The following CDH4 variants were observed in gnomAD, a reference collection of about 807,000 sequenced individuals.
The protein encoded by CDH4 is cadherin 4.
Under a neutral mutation model 86.0 loss-of-function variants are expected in CDH4, and 33 were observed. The observed-to-expected ratio is 0.38, with a 90% CI of 0.29 to 0.51. The LOEUF is 0.51. CDH4 is among the 20% of genes least tolerant of loss of function. The pLI is 0.86. For synonymous variants in CDH4, 555 were observed against 549.4 expected (o/e 1.01, Z -0.14); for missense variants, 1,114 against 1,307.4 (o/e 0.85, Z 2.28).
intron 2 of CDH4, among the ~76,000 whole-genome samples, chr20:61,371,599 T>TC (rs1314602090): frequency 2.0e-5 from 3 of 152,062 alleles, no homozygotes; most frequent in African/African-American, 2.4e-5. Flanking sequence ...AACAATCCCT[T>TC]CCCCAAGACC....
intron 3 of CDH4, among the ~76,000 whole-genome samples, chr20:61,767,575 C>T (rs994143018): frequency 1.3e-5 from 2 of 152,116 alleles, no homozygotes; most frequent in Non-Finnish European, 2.9e-5. Context: ...CAGCACCTGG[C>T]GGGTGAGCTA....
chr20:61,831,210 A>G (rs1165850301), intron 4 of CDH4, among the ~76,000 whole-genome samples: 1 of 152,228 alleles, frequency 6.6e-6, no homozygotes, highest in Non-Finnish European at 1.5e-5. Flanking sequence ...CACATCTGGC[A>G]CTGGGAACAT....
At chr20:61,326,692 C>A (rs916348695) in intron 2 of CDH4, among the ~76,000 whole-genome samples, 1 of 152,094 alleles carries the variant, frequency 6.6e-6, no homozygotes. Flanking sequence ...GACTGAGTGT[C>A]GGGTGGTGAA....
intron 2 of CDH4, among the ~76,000 whole-genome samples, chr20:61,665,620 A>G (rs2087314384): frequency 6.6e-6 from 1 of 152,220 alleles, no homozygotes. Flanking sequence ...AGCATCCACC[A>G]GCAGCGCTTT....
chr20:61,738,658 G>C (rs2088295162), intron 2 of CDH4: 1 of 152,332 alleles, frequency 6.6e-6, no homozygotes, highest in Non-Finnish European at 1.5e-5. Flanking sequence ...GTTCCCTCAG[G>C]ATGTGCAAGT....
chr20:61,570,721 C>T (rs761058896), intron 2 of CDH4: 14 of 702,358 alleles, frequency 2.0e-5, no homozygotes, highest in Admixed American at 1.4e-4. Context: ...GGATGCTTCA[C>T]GGAGGCAGGG....
chr20:61,533,491 G>C (rs764372389), intron 2 of CDH4, among the ~76,000 whole-genome samples: 1 of 152,252 alleles, frequency 6.6e-6, no homozygotes, highest in Non-Finnish European at 1.5e-5. Context: ...CGCGTGGCCT[G>C]AGAGGGCAGG....
At chr20:61,641,487 A>C (rs1187995566) in intron 2 of CDH4, among the ~76,000 whole-genome samples, 1 of 151,756 alleles carries the variant, frequency 6.6e-6, no homozygotes, top group Non-Finnish European at 1.5e-5. Flanking sequence ...AGACTTTGCC[A>C]CCTCAGTTCA....
intron 4 of CDH4, among the ~76,000 whole-genome samples, chr20:61,786,918 C>G (rs1195091840): frequency 6.6e-6 from 1 of 152,192 alleles, no homozygotes; most frequent in African/African-American, 2.4e-5. Context: ...TGCAGCTGTT[C>G]TGAGGACAAG....
intron 2 of CDH4, among the ~76,000 whole-genome samples, chr20:61,695,211 C>T (rs1600883527): frequency 2.6e-5 from 4 of 152,194 alleles, no homozygotes; most frequent in South Asian, 2.1e-4. Context: ...CAGAGGTCAC[C>T]GAACAAGGAG....
Position 61,623,850 on chromosome 20 carries a change from C to T in CDH4, c.170-119713C>T, listed in dbSNP as rs2086802135. ...GACACGGTTCCTAGAGCGAGGAACA[C>T]CCCAGAATCTGAGCAGGAAGGACAC... is the stretch of plus-strand genomic sequence containing the variant. On this transcript the variant is annotated intron_variant, in intron 2 of 15. Transcript: ENST00000614565. The surrounding 1 kb of genome is among the most constrained non-coding windows in gnomAD (Gnocchi z 4.4). Among the ~76,000 whole-genome samples the T allele has an allele frequency of 6.8e-6, 1 of 147,854 alleles. No homozygotes were observed. Among genetic ancestry groups the T allele is most frequent in the African/African-American group, 2.5e-5 (1 of 39,666 alleles).
Position 61,844,766 on chromosome 20 carries a change from G to C in CDH4, c.675G>C (p.Met225Ile). ...TGGAGGTCTTCAGCATTGACTCCAT[G>C]TCCGGCCGGATGTACGTCACAAGGC... ...PPMEVFSIDS[M>I]SGRMYVTRPM... Residue 225 changes from methionine to isoleucine, a missense_variant, in exon 5 of 16, where the codon ATG (methionine) becomes ATC (isoleucine). Physicochemically the swap from Met to Ile is conservative, Grantham distance 10 (BLOSUM62 1). This residue lies in a region of CDH4 where 705 missense variants were observed against 914.1 expected (regional missense o/e 0.77). Transcript: ENST00000614565. The C allele has an allele frequency of 6.2e-7, 1 of 1,614,038 alleles. No homozygotes were observed. The highest frequency in any genetic ancestry group is 1.1e-5 in the South Asian group (1 of 91,050).
In CDH4 at chr20:61,473,168, G is replaced by A. The variant is rs563204015; in HGVS notation, c.169+218231G>A. Among the ~76,000 whole-genome samples the A allele has an allele frequency of 7.9e-4, 120 of 152,296 alleles. 1 individual carries two copies. Among genetic ancestry groups the A allele is most frequent in the African/African-American group, 2.8e-3 (116 of 41,558 alleles). On this transcript the variant is annotated intron_variant, in intron 2 of 15. Coordinates refer to ENST00000614565, the MANE Select transcript of CDH4 (RefSeq NM_001794.5). ...CACATTGTAATATTTCTATCTCTCAGATATAATAGGTCAAAATAACCTCTT... is the reference window on the plus strand; with the variant it reads ...CACATTGTAATATTTCTATCTCTCAAATATAATAGGTCAAAATAACCTCTT...
intron 2 of CDH4, among the ~76,000 whole-genome samples, chr20:61,462,047 T>C (rs2085446605): frequency 6.6e-6 from 1 of 152,246 alleles, no homozygotes; most frequent in Admixed American, 6.5e-5. Flanking sequence ...GTAAGGCTTC[T>C]TGACAAGAAA....
chr20:61,712,327 C>T (rs1379083532), intron 2 of CDH4, among the ~76,000 whole-genome samples: 1 of 152,146 alleles, frequency 6.6e-6, no homozygotes, highest in African/African-American at 2.4e-5. Flanking sequence ...GCTGCCTGGC[C>T]AAGGTGGGAG....
In CDH4 at chr20:61,547,590, G is replaced by GGTGGGT. The variant is rs1157815403; in HGVS notation, c.170-195968_170-195967insTGTGGG. Among the ~76,000 whole-genome samples, 5 of 150,754 alleles carry GGTGGGT rather than the reference G, an allele frequency of 3.3e-5. No homozygotes were observed. The East Asian group carries it at 9.9e-4, about 30-fold the overall frequency. On this transcript the variant is annotated intron_variant, in intron 2 of 15. Transcript: ENST00000614565. ...CTGTTGACCCTGGGGTGGGGGTGGGGGTGGGGGGATACTGCCAAATACAAG... is the reference window on the plus strand; with the variant it reads ...CTGTTGACCCTGGGGTGGGGGTGGGGGTGGGTGTGGGGGGATACTGCCAAATACAAG...
chr20:61,406,544 G>A (rs112801402), intron 2 of CDH4, among the ~76,000 whole-genome samples: 48,485 of 116,662 alleles, frequency 0.42, 11,998 homozygotes, highest in South Asian at 0.62. Context: ...TTCTCTGCCC[G>A]GACCACCATC....
chr20:61,431,474 C>G (rs1042212397), intron 2 of CDH4, among the ~76,000 whole-genome samples: 2 of 151,684 alleles, frequency 1.3e-5, no homozygotes, highest in Non-Finnish European at 2.9e-5. Flanking sequence ...ATCCTCCCAC[C>G]TCAGCCTCCT....
intron 9 of CDH4, among the ~76,000 whole-genome samples, chr20:61,915,896 T>C (rs1203521331): frequency 1.3e-5 from 2 of 152,166 alleles, no homozygotes; most frequent in Non-Finnish European, 2.9e-5. Context: ...ATTTTAAAAT[T>C]TGAGGAGCTG....
Sources: allele counts gnomAD v4.1 joint callset (sites outside exome capture counted in the v4.1 genomes callset), GRCh38; gene constraint gnomAD v4.1.1; regional missense constraint gnomAD v4.1.1; non-coding constraint Gnocchi (gnomAD v3.1); transcripts MANE v1.5; gene names NCBI Gene and HGNC (gene_info 2026-07-23, HGNC 2026-07-21).